The following UMPS variants were observed in gnomAD, a reference collection of about 807,000 sequenced individuals.
UMPS encodes uridine 5'-monophosphate synthase.
Under a neutral mutation model 38.9 loss-of-function variants are expected in UMPS, and 21 were observed. The observed-to-expected ratio is 0.54, with a 90% CI of 0.38 to 0.78. UMPS has a LOEUF of 0.78. Ranked by LOEUF, UMPS falls within the 30% of genes least tolerant of loss-of-function variation. The probability of loss-of-function intolerance (pLI) is 0.00; values close to 1 mark genes in which losing one functional copy is unlikely to be tolerated. For missense variants in UMPS, 533 were observed against 591.6 expected (o/e 0.90, Z 1.03); for synonymous variants, 208 against 219.3 (o/e 0.95, Z 0.45).
chr3:124,740,007 T>A lies in UMPS; in HGVS notation c.983-17T>A, dbSNP rs1333241510. The A allele has an allele frequency of 6.2e-7, 1 of 1,614,010 alleles. No individual in the cohort carries two copies. Among genetic ancestry groups the A allele is most frequent in the Non-Finnish European group, 8.5e-7 (1 of 1,179,890 alleles). On this transcript the variant is annotated splice_polypyrimidine_tract_variant and intron_variant, in intron 3 of 5. Coordinates refer to ENST00000232607, the MANE Select transcript of UMPS (RefSeq NM_000373.4). The stretch of plus-strand genomic sequence containing the variant: ...GTTTGAAAATCAGCAAATATCTTTT[T>A]TCCCCCTTCTTCTTAGGAGGTATCT...
chr3:124,742,643 C>T (rs576752067), intron 5 of UMPS: 5 of 176,016 alleles, frequency 2.8e-5, no homozygotes, highest in African/African-American at 9.5e-5. Context: ...TTTAAGAATA[C>T]TTAAAGTATC....
chr3:124,735,669 T>G (rs1003852653), intron 2 of UMPS, among the ~76,000 whole-genome samples: 1 of 152,160 alleles, frequency 6.6e-6, no homozygotes, highest in African/African-American at 2.4e-5. Context: ...GATTATCAGG[T>G]GACTTGCTTT....
At position 124,746,243 on chromosome 3, in the gene UMPS, C is replaced by G; in HGVS notation, c.*2159C>G. 1 of 454,128 alleles carries G rather than the reference C, an allele frequency of 2.2e-6. No individual in the cohort carries two copies. The highest frequency in any genetic ancestry group is 1.6e-5 in the South Asian group (1 of 64,480). The allele number at this position is 454,128 out of a possible 1,614,324, so 28.1% of individuals were successfully genotyped here. ...ATTTGAGGGGAAATGAGAGGAGGCT[C>G]AAATAATCACCCAGCCCCTGCCACT... is the stretch of plus-strand genomic sequence containing the variant. On this transcript the variant is annotated 3_prime_UTR_variant, in exon 6 of 6. Transcript: ENST00000232607.
Position 124,748,722 on chromosome 3 carries a change from G to A in UMPS, c.*4638G>A, listed in dbSNP as rs900083389. The A allele has an allele frequency of 1.4e-5, 6 of 442,314 alleles. No individual in the cohort carries two copies. Among genetic ancestry groups the A allele is most frequent in the African/African-American group, 4.0e-5 (2 of 49,726 alleles). The allele number at this position is 442,314 out of a possible 1,614,324, so 27.4% of individuals were successfully genotyped here. On this transcript the variant is annotated 3_prime_UTR_variant, in exon 6 of 6. Coordinates refer to ENST00000232607, the MANE Select transcript of UMPS (RefSeq NM_000373.4). Reference sequence around the variant, plus strand: ...TGTTTTTCAGCGCTGGGGTTGGGGGGAGCCCAGGAGAGCAGGAAGATCCAG... The same window carrying A: ...TGTTTTTCAGCGCTGGGGTTGGGGGAAGCCCAGGAGAGCAGGAAGATCCAG...
Position 124,747,590 on chromosome 3 carries a change from A to G in UMPS, c.*3506A>G, listed in dbSNP as rs2150905322. On this transcript the variant is annotated 3_prime_UTR_variant, in exon 6 of 6. Transcript: ENST00000232607. ...TCCAGCCTCCCCCGTCCAATGTATG[A>G]AAGCCCCAGCTGATCTGTAAGCCTG... is the stretch of plus-strand genomic sequence containing the variant. 2.2e-6 allele frequency: 1 copy of G among 452,538 alleles called. No individual in the cohort carries two copies. The highest frequency in any genetic ancestry group is 1.6e-5 in the South Asian group (1 of 64,452). 28.0% of individuals were successfully genotyped at this position (452,538 alleles called of 1,614,324 possible).
At position 124,745,328 on chromosome 3, in the gene UMPS, A is replaced by G. The variant is rs1483846193; in HGVS notation, c.*1244A>G. 2.2e-6 allele frequency: 1 copy of G among 453,012 alleles called. No individual in the cohort carries two copies. The highest frequency in any genetic ancestry group is 4.4e-6 in the Non-Finnish European group (1 of 226,680). The allele number at this position is 453,012 out of a possible 1,614,324, so 28.1% of individuals were successfully genotyped here. ...GCCATTTCCCCACCCTTGTCAGCTG[A>G]TGGCCCACTGTTCTTTAATGACTCA... On this transcript the variant is annotated 3_prime_UTR_variant, in exon 6 of 6. Transcript: ENST00000232607.
chr3:124,746,142 T>C lies in UMPS; in HGVS notation c.*2058T>C, dbSNP rs2063595304. 2.2e-6 allele frequency: 1 copy of C among 453,900 alleles called. No individual in the cohort carries two copies. Among genetic ancestry groups the C allele is most frequent in the African/African-American group, 2.0e-5 (1 of 50,012 alleles). The allele number at this position is 453,900 out of a possible 1,614,324, so 28.1% of individuals were successfully genotyped here. The stretch of plus-strand genomic sequence containing the variant: ...CACATGCTCCTGTCCTTTAGAAATG[T>C]GGGCTCCTGCCATCTCCAGGACGCA... On this transcript the variant is annotated 3_prime_UTR_variant, in exon 6 of 6. Coordinates refer to ENST00000232607, the MANE Select transcript of UMPS (RefSeq NM_000373.4).
At position 124,748,533 on chromosome 3, in the gene UMPS, C is replaced by T. The variant is rs762227416; in HGVS notation, c.*4449C>T. The T allele has an allele frequency of 2.2e-6, 1 of 454,060 alleles. No homozygotes were observed. The highest frequency in any genetic ancestry group is 4.4e-6 in the Non-Finnish European group (1 of 226,790). 28.1% of individuals were successfully genotyped at this position (454,060 alleles called of 1,614,324 possible). ...ATTTGCCTAGCCCTTTCCTTCCCAC[C>T]AAGGGGGAAAGTCTTCCTCTAGACA... On this transcript the variant is annotated 3_prime_UTR_variant, in exon 6 of 6. Transcript: ENST00000232607.
chr3:124,748,660 A>C lies in UMPS; in HGVS notation c.*4576A>C, dbSNP rs746827769. The C allele has an allele frequency of 3.1e-5, 14 of 453,904 alleles. No individual in the cohort carries two copies. The highest frequency in any genetic ancestry group is 2.2e-4 in the South Asian group (14 of 64,446). The allele number at this position is 453,904 out of a possible 1,614,324, so 28.1% of individuals were successfully genotyped here. ...AGGAAGGGCAGTTGACACCCAAAAT[A>C]AGGGTGGGGAACTGTCAGCAGAGGA... On this transcript the variant is annotated 3_prime_UTR_variant, in exon 6 of 6. Coordinates refer to ENST00000232607, the MANE Select transcript of UMPS (RefSeq NM_000373.4).
chr3:124,739,180 T>C (rs1285059137), intron 3 of UMPS, among the ~76,000 whole-genome samples: 1 of 152,352 alleles, frequency 6.6e-6, no homozygotes, highest in South Asian at 2.1e-4. Flanking sequence ...AAATCAGGCT[T>C]GTTACTGTCC....
intron 4 of UMPS, among the ~76,000 whole-genome samples, chr3:124,740,499 A>G (rs957029961): frequency 6.6e-6 from 1 of 152,210 alleles, no homozygotes; most frequent in African/African-American, 2.4e-5. Flanking sequence ...TGTCTTTTTC[A>G]TCTTACCATG....
intron 5 of UMPS, among the ~76,000 whole-genome samples, chr3:124,743,442 C>A (rs1187984249): frequency 6.6e-6 from 1 of 151,402 alleles, no homozygotes; most frequent in East Asian, 1.9e-4. Context: ...TCGAGACCAT[C>A]CTGGCTAACA....
chr3:124,737,175 G>A lies in UMPS; in HGVS notation c.311-393G>A, dbSNP rs758770077. ...TCCTAGCATTTTGGGAGGCTGAGGC[G>A]GGAGGATCACTTGAGCTCAGGAGTT... On this transcript the variant is annotated intron_variant, in intron 2 of 5. Transcript: ENST00000232607. 2.5e-4 allele frequency: 49 copies of A among 197,802 alleles called. 1 individual carries two copies. The highest frequency in any genetic ancestry group is 6.6e-4 in the Admixed American group (12 of 18,312). The allele number at this position is 197,802 out of a possible 1,614,324, so 12.3% of individuals were successfully genotyped here. A position where few individuals can be genotyped will look rare whatever the true frequency, so the allele number is the denominator to read the frequency against.
At chr3:124,740,772 C>T (rs185489934) in intron 4 of UMPS, among the ~76,000 whole-genome samples, 1 of 151,982 alleles carries the variant, frequency 6.6e-6, no homozygotes. Context: ...ATAGTGAGAT[C>T]TCGTCTCTAC....
rs758859487 is a variant in UMPS, at chr3:124,730,616, C to A, written c.145C>A (p.Leu49Ile). 5.0e-6 allele frequency: 8 copies of A among 1,611,636 alleles called. No homozygotes were observed. The highest frequency in any genetic ancestry group is 4.2e-6 in the Non-Finnish European group (5 of 1,177,988). Residue 49 changes from leucine (L) to isoleucine (I), a missense_variant, in exon 1 of 6, where the codon CTT becomes ATT. Transcript: ENST00000232607. ...GCGGGGCATCGTGTCTCGACCGCGTCTTCTGAGTCAGGTGCTGGCCTAGGA... is the reference window on the plus strand; with the variant it reads ...GCGGGGCATCGTGTCTCGACCGCGTATTCTGAGTCAGGTGCTGGCCTAGGA... ...DLRGIVSRPR[L>I]LSQVADILFQ... is the part of the protein sequence containing the mutation.
intron 2 of UMPS, 104 bp from the exon 3 acceptor site, chr3:124,737,464 T>C (rs1185717754): frequency 3.8e-6 from 4 of 1,056,860 alleles, no homozygotes; most frequent in Non-Finnish European, 2.9e-6. Flanking sequence ...ACACATATAC[T>C]GTATGTGTAA....
rs997625035 is a variant in UMPS, at chr3:124,730,703, G to A, written c.156+76G>A. The stretch of plus-strand genomic sequence containing the variant: ...AAGGAAATGGAAGAGGGTGACAGGA[G>A]TTGGGCCGTGAGTGAGAGCAAAAGA... On this transcript the variant is annotated intron_variant, in intron 1 of 5. Transcript: ENST00000232607. 1.1e-5 allele frequency: 17 copies of A among 1,547,260 alleles called. No individual in the cohort carries two copies. In the African/African-American group the frequency reaches 2.2e-4, roughly 20 times the overall value.
At chr3:124,734,776 T>A (rs1263626045) in intron 1 of UMPS, among the ~76,000 whole-genome samples, 3 of 152,182 alleles carry the variant, frequency 2.0e-5, no homozygotes, top group African/African-American at 7.2e-5. Flanking sequence ...ATCCCAGCAC[T>A]TTGGGAGGCC....
Position 124,731,577 on chromosome 3 carries a change from C to T in UMPS, c.156+950C>T, listed in dbSNP as rs7632533. ...CATAGCTCACTGCAGCCTGGAACTC[C>T]TGGGCTTAAGAGATCTTCTTGCCTC... On this transcript the variant is annotated intron_variant, in intron 1 of 5. Coordinates refer to ENST00000232607, the MANE Select transcript of UMPS (RefSeq NM_000373.4). 2,124 of 402,536 alleles carry T rather than the reference C, an allele frequency of 5.3e-3. 37 individuals carry two copies. The highest frequency in any genetic ancestry group is 0.041 in the African/African-American group (1,945 of 47,372). The allele number at this position is 402,536 out of a possible 1,614,324, so 24.9% of individuals were successfully genotyped here. A position where few individuals can be genotyped will look rare whatever the true frequency, so the allele number is the denominator to read the frequency against.
Sources: allele counts gnomAD v4.1 joint callset (sites outside exome capture counted in the v4.1 genomes callset), GRCh38; gene constraint gnomAD v4.1.1; transcripts MANE v1.5; gene names NCBI Gene and HGNC (gene_info 2026-07-23, HGNC 2026-07-21).